RGS12: variants seen among roughly 807,000 people sequenced by gnomAD.
RGS12 encodes the protein regulator of G protein signaling 12, also known as regulator of G-protein signaling 12.
Under a neutral mutation model 120.1 loss-of-function variants are expected in RGS12, and 66 were observed. The observed-to-expected ratio is 0.55, with a 90% CI of 0.45 to 0.67. The LOEUF (loss-of-function observed/expected upper bound fraction) is 0.67. Ranked by LOEUF, RGS12 falls within the 30% of genes least tolerant of loss-of-function variation. The pLI is 0.00. For synonymous variants in RGS12, 827 were observed against 804.7 expected (o/e 1.03, Z -0.47); for missense variants, 1,859 against 1,957.7 (o/e 0.95, Z 0.95).
chr4:3,373,629 G>A (rs1259082747), intron 3 of RGS12, among the ~76,000 whole-genome samples: 1 of 152,220 alleles, frequency 6.6e-6, no homozygotes, highest in Admixed American at 6.5e-5. Flanking sequence ...ACTGGTGCTG[G>A]GATCGCAGGG....
intron 4 of RGS12, among the ~76,000 whole-genome samples, chr4:3,407,168 T>G (rs1246125009): frequency 1.3e-5 from 2 of 152,220 alleles, no homozygotes; most frequent in Non-Finnish European, 2.9e-5. Flanking sequence ...GGGTTCCATC[T>G]GCAGTGTTTA....
intron 9 of RGS12, among the ~76,000 whole-genome samples, chr4:3,419,898 C>G (rs1401755234): frequency 1.3e-5 from 2 of 152,130 alleles, no homozygotes; most frequent in African/African-American, 4.8e-5. Flanking sequence ...GATCTTGGCC[C>G]AGGATGTGGC....
At chr4:3,339,423 T>C (rs1013247407) in intron 2 of RGS12, among the ~76,000 whole-genome samples, 1 of 152,120 alleles carries the variant, frequency 6.6e-6, no homozygotes, top group African/African-American at 2.4e-5. Flanking sequence ...TCGCGGCTGC[T>C]GTGAGCCATG....
At chr4:3,361,344 A>G (rs1715540492) in intron 3 of RGS12, among the ~76,000 whole-genome samples, 1 of 152,222 alleles carries the variant, frequency 6.6e-6, no homozygotes, top group Non-Finnish European at 1.5e-5. Flanking sequence ...CCACCGAGCC[A>G]TGCTTTTCTG....
intron 2 of RGS12, among the ~76,000 whole-genome samples, chr4:3,333,177 G>A (rs905089389): frequency 1.2e-4 from 18 of 152,024 alleles, no homozygotes; most frequent in African/African-American, 3.9e-4. Context: ...AGCCTCCCGC[G>A]TAGCTGGGAT....
intron 1 of RGS12, among the ~76,000 whole-genome samples, chr4:3,310,060 CCG>C (rs1560646526): frequency 1.4e-5 from 2 of 140,162 alleles, no homozygotes; most frequent in African/African-American, 5.2e-5. Flanking sequence ...CTGAGGGGAA[CCG>C]TGTGGGGGAG....
At chr4:3,362,350 C>T (rs549871861) in intron 3 of RGS12, among the ~76,000 whole-genome samples, 28 of 151,412 alleles carry the variant, frequency 1.8e-4, no homozygotes, top group Non-Finnish European at 2.2e-4. Flanking sequence ...AGAGTGTGTG[C>T]GTGTGAGGGT....
chr4:3,315,557 T>G (rs911908230), intron 1 of RGS12, among the ~76,000 whole-genome samples: 8 of 152,246 alleles, frequency 5.3e-5, no homozygotes, highest in Non-Finnish European at 8.8e-5. Flanking sequence ...GAGGGAAAAC[T>G]CTATGTCAGG....
intron 3 of RGS12, among the ~76,000 whole-genome samples, chr4:3,361,321 A>T (rs925159749): frequency 1.3e-5 from 2 of 152,164 alleles, no homozygotes; most frequent in African/African-American, 4.8e-5. Context: ...CGTGGGCTTC[A>T]CTTCATGATA....
At chr4:3,410,079 T>G (rs1189468757) in intron 4 of RGS12, among the ~76,000 whole-genome samples, 1 of 152,174 alleles carries the variant, frequency 6.6e-6, no homozygotes, top group African/African-American at 2.4e-5. Context: ...CTAGCCTTTA[T>G]TGTCTCAGGA....
chr4:3,402,467 G>A (rs1020288580), intron 4 of RGS12, among the ~76,000 whole-genome samples: 5 of 152,126 alleles, frequency 3.3e-5, no homozygotes, highest in Non-Finnish European at 7.3e-5. Context: ...GTGCCCTTTC[G>A]TCCTCTCTAT....
At chr4:3,419,029 A>AG (rs1464079201) in intron 9 of RGS12, 2 of 150,792 alleles carry the variant, frequency 1.3e-5, no homozygotes, top group East Asian at 3.9e-4. Context: ...CCAAAAAAAA[A>AG]AAAAAAAAAA....
intron 3 of RGS12, among the ~76,000 whole-genome samples, chr4:3,347,689 G>A (rs77588741): frequency 0.031 from 4,729 of 152,222 alleles, 220 homozygotes; most frequent in African/African-American, 0.1. Context: ...ATTTAAGAGT[G>A]CTTCTTAGAG....
chr4:3,388,116 C>T (rs1719050643), intron 4 of RGS12, among the ~76,000 whole-genome samples: 1 of 152,180 alleles, frequency 6.6e-6, no homozygotes, highest in Non-Finnish European at 1.5e-5. Flanking sequence ...TTTCCACCCC[C>T]TGCTCCTCCT....
At chr4:3,397,303 A>C (rs1720135601) in intron 4 of RGS12, among the ~76,000 whole-genome samples, 1 of 152,202 alleles carries the variant, frequency 6.6e-6, no homozygotes, top group African/African-American at 2.4e-5. Flanking sequence ...GCGATAGAAG[A>C]AGAAGGAGCT....
chr4:3,435,267 C>T (rs1207954783), intron 17 of RGS12, among the ~76,000 whole-genome samples: 4 of 152,112 alleles, frequency 2.6e-5, no homozygotes, highest in African/African-American at 7.2e-5. Context: ...GGTGAAAGTA[C>T]CCCCCATGGC....
chr4:3,417,485 G>A lies in RGS12; in HGVS notation c.2705G>A (p.Arg902Gln), dbSNP rs370795017. The A allele has an allele frequency of 5.6e-6, 9 of 1,613,278 alleles. No homozygotes were observed. The highest frequency in any genetic ancestry group is 1.7e-5 in the Admixed American group (1 of 59,992). ...KRKGAFFSWSRTRSTGRSQKK... is the reference protein window; with the variant it reads ...KRKGAFFSWSQTRSTGRSQKK... ...AAAGGCGCGTTTTTCTCGTGGTCGC[G>A]GACCAGGAGCACCGGGAGGTCCCAG... Residue 902 changes from arginine (R) to glutamine (Q), a missense_variant, in exon 9 of 18, where the codon CGG (arginine) becomes CAG (glutamine). Physicochemically the swap from Arg to Gln is conservative, Grantham distance 43. Around this residue, in one of 3 missense-constraint regions of RGS12, gnomAD observed 375 missense variants for 475.0 expected, o/e 0.79. Coordinates refer to ENST00000336727, the MANE Select transcript of RGS12 (RefSeq NM_001394154.1).
intron 3 of RGS12, 137 bp downstream of exon 3, chr4:3,343,190 C>G: frequency 1.6e-6 from 1 of 627,288 alleles, no homozygotes; most frequent in Non-Finnish European, 2.8e-6. Context: ...CCCCTGTTTT[C>G]TGGGGGACAG....
intron 1 of RGS12, among the ~76,000 whole-genome samples, chr4:3,301,596 C>T (rs531855398): frequency 3.4e-5 from 5 of 149,144 alleles, no homozygotes; most frequent in Admixed American, 6.7e-5. Context: ...GTCCGAGGGC[C>T]GGGGATGGAG....
Sources: gnomAD v4.1 joint callset for allele counts (sites outside exome capture counted in the v4.1 genomes callset) on GRCh38, gnomAD v4.1.1 for gene constraint, gnomAD v4.1.1 regional missense constraint, MANE v1.5 for transcripts, NCBI Gene and HGNC (gene_info 2026-07-23, HGNC 2026-07-21) for gene names.